ABRAXAS1: variants seen among roughly 807,000 people sequenced by gnomAD.
ABRAXAS1 encodes the protein BRCA1-A complex subunit Abraxas 1.
Under a neutral mutation model 38.4 loss-of-function variants are expected in ABRAXAS1, and 26 were observed. That is an observed-to-expected ratio of 0.68 (90% CI 0.50 to 0.94). The LOEUF (loss-of-function observed/expected upper bound fraction) is 0.94. Among genes scored for constraint, ABRAXAS1 ranks in the 40% least tolerant of loss-of-function variants. The probability of loss-of-function intolerance (pLI) is 0.00; values close to 1 mark genes in which losing one functional copy is unlikely to be tolerated. For missense variants in ABRAXAS1, 438 were observed against 481.9 expected, an observed-to-expected ratio of 0.91 and a Z score of 0.85; for synonymous variants, 144 against 165.5, an observed-to-expected ratio of 0.87 and a Z score of 1.00.
intron 7 of ABRAXAS1, among the ~76,000 whole-genome samples, chr4:83,466,041 G>A (rs1050137867): frequency 6.6e-6 from 1 of 152,118 alleles, no homozygotes; most frequent in Non-Finnish European, 1.5e-5. Flanking sequence ...GCTGTTCCTA[G>A]CCAATGACTA....
In ABRAXAS1 at chr4:83,460,958, C is replaced by A; in HGVS notation, c.*1511G>T. On this transcript the variant is annotated 3_prime_UTR_variant, in exon 9 of 9. Coordinates refer to ENST00000321945, the MANE Select transcript of ABRAXAS1 (RefSeq NM_139076.3). Reference sequence around the variant, plus strand: ...TTGACATTTTTTATGAATAAGAAAGCTTTTTATTTTACAGGTCTTTGTGGG... The same window carrying A: ...TTGACATTTTTTATGAATAAGAAAGATTTTTATTTTACAGGTCTTTGTGGG... 6.3e-7 allele frequency: 1 copy of A among 1,585,548 alleles called. No homozygotes were observed.
At chr4:83,463,444 A>C (rs2110033887) in intron 8 of ABRAXAS1, 50 bp downstream of exon 8, 1 of 1,349,670 alleles carries the variant, frequency 7.4e-7, no homozygotes, top group Non-Finnish European at 1.0e-6. Flanking sequence ...AAAATAAATA[A>C]ATAAATAAAA....
chr4:83,465,991 G>C (rs1366822448), intron 7 of ABRAXAS1, among the ~76,000 whole-genome samples: 1 of 152,164 alleles, frequency 6.6e-6, no homozygotes, highest in Non-Finnish European at 1.5e-5. Context: ...AACAGCCCCA[G>C]CTTTGGACCT....
intron 3 of ABRAXAS1, 137 bp downstream of exon 3, chr4:83,476,506 T>C: frequency 2.0e-6 from 1 of 511,520 alleles, no homozygotes; most frequent in Non-Finnish European, 3.4e-6. Context: ...TTCAGCTATT[T>C]AAAAAAAACT....
chr4:83,481,047 G>A (rs1190129054), intron 2 of ABRAXAS1, among the ~76,000 whole-genome samples: 3 of 151,928 alleles, frequency 2.0e-5, no homozygotes, highest in African/African-American at 7.3e-5. Flanking sequence ...CAGGAGAATC[G>A]CTTGAACCTG....
chr4:83,480,797 A>C (rs964608660), intron 2 of ABRAXAS1, among the ~76,000 whole-genome samples: 1 of 152,214 alleles, frequency 6.6e-6, no homozygotes, highest in African/African-American at 2.4e-5. Flanking sequence ...TGTTTAAATC[A>C]CAGTAAGGCC....
intron 4 of ABRAXAS1, among the ~76,000 whole-genome samples, 176 bp from the exon 5 acceptor site, chr4:83,470,572 A>G (rs1355433342): frequency 2.0e-5 from 3 of 152,202 alleles, no homozygotes; most frequent in Admixed American, 1.3e-4. Flanking sequence ...AAAACATACA[A>G]ACTGACTTAC....
At chr4:83,478,202 G>C in intron 2 of ABRAXAS1, 1 of 697,622 alleles carries the variant, frequency 1.4e-6, no homozygotes, top group South Asian at 1.4e-5. Flanking sequence ...TGGGGCTCTT[G>C]CCTCTAATCC....
intron 2 of ABRAXAS1, chr4:83,480,116 C>T: frequency 4.1e-6 from 1 of 242,820 alleles, no homozygotes; most frequent in Non-Finnish European, 8.3e-6. Flanking sequence ...CGCCTGCAAT[C>T]CCAGCACTTT....
At chr4:83,463,659 T>A (rs772285558) in intron 7 of ABRAXAS1, 51 bp from the exon 8 acceptor site, 1 of 984,422 alleles carries the variant, frequency 1.0e-6, no homozygotes, top group Non-Finnish European at 1.5e-6. Flanking sequence ...AGCTGTGTAC[T>A]AATACAGTCT....
chr4:83,466,197 C>T (rs1722345202), intron 7 of ABRAXAS1, among the ~76,000 whole-genome samples: 1 of 152,134 alleles, frequency 6.6e-6, no homozygotes, highest in East Asian at 1.9e-4. Flanking sequence ...CTTCTTATCC[C>T]CCTCTCCTTT....
At chr4:83,484,919 G>C (rs375608624) in intron 1 of ABRAXAS1, 67 bp downstream of exon 1, 1 of 1,374,470 alleles carries the variant, frequency 7.3e-7, no homozygotes, top group Non-Finnish European at 9.9e-7. Flanking sequence ...GAGCAACAGC[G>C]GGGAGGCAGG....
chr4:83,482,069 A>T (rs1019193480), intron 2 of ABRAXAS1, 85 bp downstream of exon 2: 18 of 864,234 alleles, frequency 2.1e-5, no homozygotes, highest in Non-Finnish European at 2.5e-5. Flanking sequence ...TTTAAAAATA[A>T]TAATTTACGC....
chr4:83,471,868 TCAAAAAAAACAAAA>T (rs1423666641), intron 4 of ABRAXAS1, among the ~76,000 whole-genome samples: 2 of 151,304 alleles, frequency 1.3e-5, no homozygotes, highest in Admixed American at 6.6e-5. Context: ...AGACTCCGTC[TCAAAAAAAACAAAA>T]CAAAAAAAAC....
intron 7 of ABRAXAS1, 153 bp downstream of exon 7, chr4:83,467,301 T>C: frequency 3.7e-6 from 2 of 546,830 alleles, no homozygotes; most frequent in South Asian, 4.4e-5. Flanking sequence ...AACTGCCTAA[T>C]GACACATTTC....
chr4:83,479,125 G>C (rs1334047202), intron 2 of ABRAXAS1: 13 of 152,234 alleles, frequency 8.5e-5, no homozygotes, highest in Non-Finnish European at 1.3e-4. Flanking sequence ...CATGGGGGCC[G>C]GGCATGGTGA....
chr4:83,462,554 G>A lies in ABRAXAS1; in HGVS notation c.1145C>T (p.Ala382Val). ...ADTGSSNQDK[A>V]SKMSSPETDE... ...TGTTTCTGGGCTGCTCATTTTGGAT[G>A]CTTTATCTTGGTTACTACTACCAGT... Residue 382 changes from alanine (A) to valine (V), a missense_variant, in exon 9 of 9, where the codon GCA (alanine) becomes GTA (valine). Coordinates refer to ENST00000321945, the MANE Select transcript of ABRAXAS1 (RefSeq NM_139076.3). 6.2e-7 allele frequency: 1 copy of A among 1,614,062 alleles called. No individual in the cohort carries two copies. Among genetic ancestry groups the A allele is most frequent in the Non-Finnish European group, 8.5e-7 (1 of 1,179,994 alleles).
rs1331153475 is a variant in ABRAXAS1, at chr4:83,461,579, CAGA to C, written c.*887_*889del. 6.4e-5 allele frequency: 19 copies of C among 295,664 alleles called. No individual in the cohort carries two copies. The South Asian group carries it at 1.1e-3, about 18-fold the overall frequency. 18.3% of individuals were successfully genotyped at this position (295,664 alleles called of 1,614,324 possible). ...ATTGGGATGGATAGTGGTGCTGTCA[CAGA>C]AGGACAAAATATTCCTAGACGAGTC... On this transcript the variant is annotated 3_prime_UTR_variant, in exon 9 of 9. Transcript: ENST00000321945.
chr4:83,470,078 C>T (rs550492713), intron 5 of ABRAXAS1, 125 bp downstream of exon 5: 2 of 657,572 alleles, frequency 3.0e-6, no homozygotes, highest in East Asian at 5.9e-5. Context: ...AGATCTACTT[C>T]TGAAGGTTAT....
Sources: allele counts gnomAD v4.1 joint callset (sites outside exome capture counted in the v4.1 genomes callset), GRCh38; gene constraint gnomAD v4.1.1; transcripts MANE v1.5; gene names NCBI Gene and HGNC (gene_info 2026-07-23, HGNC 2026-07-21).